TAOK3: variants seen among roughly 807,000 people sequenced by gnomAD.
TAOK3 encodes the protein TAO kinase 3.
A neutral mutation model predicts 120.4 loss-of-function variants in TAOK3; 40 were observed. The observed-to-expected ratio is 0.33, with a 90% CI of 0.26 to 0.43. TAOK3 has a LOEUF of 0.43. Ranked by LOEUF, TAOK3 falls within the 20% of genes least tolerant of loss-of-function variation. The pLI is 1.00. For missense variants in TAOK3, 821 were observed against 1,112.1 expected (o/e 0.74, Z 3.72); for synonymous variants, 355 against 387.5 (o/e 0.92, Z 0.99).
chr12:118,155,884 G>A (rs904110115), intron 19 of TAOK3, among the ~76,000 whole-genome samples: 3 of 152,232 alleles, frequency 2.0e-5, no homozygotes, highest in Admixed American at 2.0e-4. Context: ...CTACAGGCAT[G>A]TGCCACCATG....
At chr12:118,152,542 C>T in intron 19 of TAOK3, 133 bp from the exon 20 acceptor site, 2 of 790,226 alleles carry the variant, frequency 2.5e-6, no homozygotes, top group Non-Finnish European at 4.0e-6. Context: ...AACACAGATG[C>T]TCTGGGTACA....
At chr12:118,234,759 T>C (rs1180879977) in intron 8 of TAOK3, among the ~76,000 whole-genome samples, 1 of 152,186 alleles carries the variant, frequency 6.6e-6, no homozygotes, top group Non-Finnish European at 1.5e-5. Context: ...TGGAGCCATA[T>C]AAAGCAATAT....
At chr12:118,217,814 T>TGTG (rs2038995954) in intron 9 of TAOK3, among the ~76,000 whole-genome samples, 1 of 52,704 alleles carries the variant, frequency 1.9e-5, no homozygotes, top group Non-Finnish European at 3.3e-5. Context: ...TGTGTGTGTA[T>TGTG]ACATATATAT....
At chr12:118,338,643 A>G (rs901702233) in intron 1 of TAOK3, among the ~76,000 whole-genome samples, 1 of 151,900 alleles carries the variant, frequency 6.6e-6, no homozygotes, top group Admixed American at 6.6e-5. Context: ...AAAATTAGCC[A>G]GGCGTGGTGG....
intron 9 of TAOK3, among the ~76,000 whole-genome samples, chr12:118,226,379 A>C (rs1341989299): frequency 6.6e-6 from 1 of 152,082 alleles, no homozygotes; most frequent in Non-Finnish European, 1.5e-5. Flanking sequence ...CCGTCTCAAA[A>C]AAAAATTAGC....
At chr12:118,240,544 C>A (rs1389880721) in intron 5 of TAOK3, among the ~76,000 whole-genome samples, 1 of 151,450 alleles carries the variant, frequency 6.6e-6, no homozygotes, top group Non-Finnish European at 1.5e-5. Context: ...CGGGGTTTCA[C>A]CATGTTGGCC....
chr12:118,255,302 A>G (rs904360437), intron 3 of TAOK3, 146 bp downstream of exon 3: 11 of 666,064 alleles, frequency 1.7e-5, no homozygotes, highest in Admixed American at 9.9e-5. Context: ...TTGTAGAGAC[A>G]GGGTCTTGCT....
chr12:118,273,640 C>G (rs898392794), intron 1 of TAOK3, among the ~76,000 whole-genome samples: 2 of 152,076 alleles, frequency 1.3e-5, no homozygotes, highest in Non-Finnish European at 2.9e-5. Flanking sequence ...CATGGTAAAA[C>G]CCGTCTCTAC....
At chr12:118,314,150 G>A (rs778750730) in intron 1 of TAOK3, among the ~76,000 whole-genome samples, 5 of 152,062 alleles carry the variant, frequency 3.3e-5, no homozygotes, top group African/African-American at 1.2e-4. Context: ...TGAAATTAAC[G>A]TTACAGGAAG....
intron 11 of TAOK3, among the ~76,000 whole-genome samples, chr12:118,207,490 G>T (rs938819935): frequency 5.9e-5 from 9 of 152,118 alleles, no homozygotes; most frequent in Non-Finnish European, 1.2e-4. Flanking sequence ...GATTATACAA[G>T]CTAATTTTAT....
chr12:118,172,097 T>C lies in TAOK3; in HGVS notation c.1899+360A>G, dbSNP rs533798443. On this transcript the variant is annotated intron_variant, in intron 17 of 20. Coordinates refer to ENST00000392533, the MANE Select transcript of TAOK3 (RefSeq NM_016281.4). ...TAGTTATAGAGCATCATAATGTTAC[T>C]TAAATGTTTTATGCGGAGTCACAAA... Among the ~76,000 whole-genome samples, 168 of 152,344 alleles carry C rather than the reference T, an allele frequency of 1.1e-3. 1 individual carries two copies. Among genetic ancestry groups the C allele is most frequent in the Non-Finnish European group, 2.0e-3 (138 of 68,034 alleles).
intron 5 of TAOK3, among the ~76,000 whole-genome samples, chr12:118,240,500 G>A (rs1262325184): frequency 2.7e-5 from 4 of 150,906 alleles, no homozygotes; most frequent in African/African-American, 7.3e-5. Flanking sequence ...TCTTATCCTC[G>A]ATTTCTTTTT....
chr12:118,156,813 C>A (rs2034860308), intron 19 of TAOK3, among the ~76,000 whole-genome samples: 1 of 152,046 alleles, frequency 6.6e-6, no homozygotes, highest in Admixed American at 6.5e-5. Context: ...CGGCTCACTG[C>A]AACCTCTGCT....
At chr12:118,168,047 A>T (rs2035721335) in intron 17 of TAOK3, among the ~76,000 whole-genome samples, 1 of 151,872 alleles carries the variant, frequency 6.6e-6, no homozygotes, top group Non-Finnish European at 1.5e-5. Context: ...ATACAAAAGT[A>T]ATCTCATTTT....
intron 3 of TAOK3, among the ~76,000 whole-genome samples, chr12:118,250,124 A>AT (rs1387102797): frequency 3.3e-5 from 5 of 151,434 alleles, no homozygotes; most frequent in Admixed American, 3.3e-4. Context: ...TTTATTCTTT[A>AT]TTTTTTTAAT....
chr12:118,275,423 T>G (rs566070230), intron 1 of TAOK3, among the ~76,000 whole-genome samples: 1 of 152,202 alleles, frequency 6.6e-6, no homozygotes, highest in Non-Finnish European at 1.5e-5. Context: ...CATGAGCCAT[T>G]GTGCCTGGCT....
At chr12:118,324,106 A>G (rs1229608586) in intron 1 of TAOK3, among the ~76,000 whole-genome samples, 4 of 152,194 alleles carry the variant, frequency 2.6e-5, no homozygotes, top group African/African-American at 4.8e-5. Flanking sequence ...GGGGAAATGT[A>G]TATGTGTAAG....
In TAOK3 at chr12:118,161,904, T is replaced by A; in HGVS notation, c.2023A>T (p.Ile675Phe). 1 of 1,614,188 alleles carries A rather than the reference T, an allele frequency of 6.2e-7. No homozygotes were observed. Among genetic ancestry groups the A allele is most frequent in the Non-Finnish European group, 8.5e-7 (1 of 1,180,028 alleles). The part of the protein sequence containing the change: ...HTLQKLRMDL[I>F]RLQHQTELEN... ...AGTTCCGTCTGGTGCTGTAAACGGA[T>A]CAGATCCATGCGTAGCTTCTGTAAC... The change falls in exon 18 of 21, where the codon ATC becomes TTC. Residue 675 changes from isoleucine (I) to phenylalanine (F), a missense_variant. Ile to Phe is a conservative substitution (Grantham distance 21, BLOSUM62 0). This residue lies in a region of TAOK3 where 354 missense variants were observed against 572.1 expected (regional missense o/e 0.62). Coordinates refer to ENST00000392533, the MANE Select transcript of TAOK3 (RefSeq NM_016281.4). The surrounding 1 kb of genome is among the most constrained non-coding windows in gnomAD (Gnocchi z 4.5).
At chr12:118,203,990 G>T (rs1432015887) in intron 11 of TAOK3, among the ~76,000 whole-genome samples, 2 of 152,166 alleles carry the variant, frequency 1.3e-5, no homozygotes, top group African/African-American at 4.8e-5. Context: ...ATTAGGCTGG[G>T]CGTGGTGGCT....
Sources: allele counts gnomAD v4.1 joint callset (sites outside exome capture counted in the v4.1 genomes callset), GRCh38; gene constraint gnomAD v4.1.1; regional missense constraint gnomAD v4.1.1; non-coding constraint Gnocchi (gnomAD v3.1); transcripts MANE v1.5; gene names NCBI Gene and HGNC (gene_info 2026-07-23, HGNC 2026-07-21).